Variants in XAGE5 observed in about 807,000 individuals in gnomAD.
XAGE5 encodes the protein G antigen, family D, 5.
XAGE5 carries 13 observed loss-of-function variants against 13.1 expected under a neutral mutation model. That is an observed-to-expected ratio of 0.99 (90% CI 0.64 to 1.57). The LOEUF is 1.57. Ranked by LOEUF, XAGE5 falls within the 40% of genes most tolerant of loss-of-function variation. The pLI, the probability that XAGE5 is intolerant of heterozygous loss-of-function variation, is 0.00. For missense variants in XAGE5, 86 were observed against 77.6 expected (o/e 1.11, Z -0.41); for synonymous variants, 17 against 25.0 (o/e 0.68, Z 0.96).
At chrX:52,813,644 C>T (rs1926847163) in intron 4 of XAGE5, among the ~76,000 whole-genome samples, 1 of 111,553 alleles carries the variant, frequency 9.0e-6, no homozygotes, top group African/African-American at 3.3e-5. Context: ...AGTGCCAAGT[C>T]ACCCTACCAT....
chrX:52,813,080 TTGATAAGAAAAA>T lies in XAGE5; in HGVS notation c.73-58_73-47del. On this transcript the variant is annotated intron_variant, in intron 3 of 5. Transcript: ENST00000375501. ...TGTATATTCATATTATTGACATGCATTGATAAGAAAAATTTTTTATCTCCACACACACACACC... is the reference window on the plus strand; with the variant it reads ...TGTATATTCATATTATTGACATGCATTTTTTTATCTCCACACACACACACC... 4 of 957,398 alleles carry T rather than the reference TTGATAAGAAAAA, an allele frequency of 4.2e-6. No individual in the cohort carries two copies. In the East Asian group the frequency reaches 9.4e-5, roughly 23 times the overall value. 78.9% of individuals were successfully genotyped at this position (957,398 alleles called of 1,213,427 possible).
intron 4 of XAGE5, 32 bp from the exon 5 acceptor site, chrX:52,815,060 C>T: frequency 8.3e-7 from 1 of 1,208,258 alleles, no homozygotes; most frequent in Non-Finnish European, 1.1e-6. Context: ...TCTGGTTTGG[C>T]TGCTCCAGTC....
At chrX:52,813,041 G>A in intron 3 of XAGE5, 99 bp from the exon 4 acceptor site, 1 of 618,323 alleles carries the variant, frequency 1.6e-6, no homozygotes, top group Non-Finnish European at 2.7e-6. Context: ...ATGATCAGAA[G>A]TATCTGTGTA....
intron 5 of XAGE5, 142 bp downstream of exon 5, chrX:52,815,359 C>G: frequency 2.8e-6 from 2 of 717,638 alleles, no homozygotes; most frequent in Non-Finnish European, 1.9e-6. Context: ...AATTCAGACC[C>G]CAGAAGCCTG....
At position 52,815,982 on chromosome X, in the gene XAGE5, C is replaced by T. The variant is rs1334268748; in HGVS notation, c.304+765C>T. ...GTTTTGTTTTTTTCGGACGAGGTCT[C>T]GCTCTGCCGCCCAGGATGGGGTCCA... is the stretch of plus-strand genomic sequence containing the variant. On this transcript the variant is annotated intron_variant, in intron 5 of 5. Coordinates refer to ENST00000375501, the MANE Select transcript of XAGE5 (RefSeq NM_001386970.1). Among the ~76,000 whole-genome samples, 3 of 111,675 alleles carry T rather than the reference C, an allele frequency of 2.7e-5. No homozygotes were observed. The East Asian group carries it at 8.3e-4, about 31-fold the overall frequency.
In XAGE5 at chrX:52,813,388, G is replaced by GA. The variant is rs1247563497; in HGVS notation, c.178+146dup. The GA allele has an allele frequency of 9.1e-6, 5 of 549,148 alleles. No individual in the cohort carries two copies. The East Asian group carries it at 1.8e-4, about 20-fold the overall frequency. 45.3% of individuals were successfully genotyped at this position (549,148 alleles called of 1,213,427 possible). ...TTGCTGAGAGTTTTGCAAGAGGCTG[G>GA]AAATGTGATGGGTATAGTTTGCAGC... is the stretch of plus-strand genomic sequence containing the variant. On this transcript the variant is annotated intron_variant, in intron 4 of 5. Coordinates refer to ENST00000375501, the MANE Select transcript of XAGE5 (RefSeq NM_001386970.1).
At chrX:52,813,509 G>A (rs782030920) in intron 4 of XAGE5, among the ~76,000 whole-genome samples, 30 of 111,373 alleles carry the variant, frequency 2.7e-4, no homozygotes, top group Admixed American at 2.4e-3. Flanking sequence ...AGATGAAACC[G>A]TTTAATTGGT....
chrX:52,818,052 T>C (rs1278638505), intron 5 of XAGE5, 139 bp from the exon 6 acceptor site: 1 of 683,117 alleles, frequency 1.5e-6, no homozygotes, highest in Non-Finnish European at 2.2e-6. Context: ...TAGTTGAATA[T>C]TAGCCGTAGG....
At chrX:52,814,794 C>T (rs1351118319) in intron 4 of XAGE5, 2 of 240,626 alleles carry the variant, frequency 8.3e-6, no homozygotes, top group African/African-American at 5.8e-5. Context: ...TTGATCTAAT[C>T]CTTCAGAAAA....
intron 5 of XAGE5, among the ~76,000 whole-genome samples, chrX:52,816,472 G>C (rs782094938): frequency 8.9e-6 from 1 of 112,231 alleles, no homozygotes; most frequent in African/African-American, 3.2e-5. Flanking sequence ...ATGAGCTACT[G>C]TGTGTAATTA....
At chrX:52,814,859 A>T in intron 4 of XAGE5, 1 of 346,554 alleles carries the variant, frequency 2.9e-6, no homozygotes, top group African/African-American at 2.6e-5. Context: ...CAGTTTTCCT[A>T]GGTAGCTGTG....
Position 52,813,228 on chromosome X carries a change from G to A in XAGE5, c.161G>A (p.Gly54Asp), listed in dbSNP as rs782630066. The A allele has an allele frequency of 7.4e-6, 9 of 1,208,231 alleles. No individual in the cohort carries two copies. In the East Asian group the frequency reaches 2.7e-4, roughly 36 times the overall value. The change falls in exon 4 of 6, where the codon GGT becomes GAT. Residue 54 changes from glycine to aspartate, a missense_variant. Transcript: ENST00000375501. ...TPGQKREDDQ[G>D]AAEIQVPNLE... ...GGTCAGAAGAGAGAAGATGATCAGG[G>A]TGCAGCTGAGATTCAAGGTGCTGGG...
At chrX:52,814,788 T>C (rs1289469041) in intron 4 of XAGE5, 8 of 238,857 alleles carry the variant, frequency 3.3e-5, no homozygotes, top group South Asian at 6.1e-5. Flanking sequence ...AATACATTGA[T>C]CTAATCCTTC....
intron 5 of XAGE5, among the ~76,000 whole-genome samples, chrX:52,816,132 C>A (rs782746446): frequency 1.8e-5 from 2 of 110,659 alleles, no homozygotes; most frequent in East Asian, 5.7e-4. Context: ...TTAATAGAGA[C>A]GGGGTTTCAC....
intron 4 of XAGE5, 112 bp downstream of exon 4, chrX:52,813,357 A>C: frequency 1.1e-3 from 774 of 729,054 alleles, no homozygotes; most frequent in Non-Finnish European, 1.4e-3. Flanking sequence ...AAAGGATCTC[A>C]AACATTTGCT....
intron 5 of XAGE5, among the ~76,000 whole-genome samples, chrX:52,815,908 C>T (rs1926897600): frequency 8.9e-6 from 1 of 111,919 alleles, no homozygotes; most frequent in African/African-American, 3.2e-5. Context: ...ATCCTGAATT[C>T]TCTCAGGCTC....
chrX:52,815,450 C>G (rs1556777997), intron 5 of XAGE5, among the ~76,000 whole-genome samples: 2 of 112,293 alleles, frequency 1.8e-5, no homozygotes, highest in Admixed American at 9.4e-5. Context: ...AAAGCATTTT[C>G]TTACTTCTGA....
At chrX:52,814,236 T>C (rs1556777786) in intron 4 of XAGE5, 4 of 328,995 alleles carry the variant, frequency 1.2e-5, no homozygotes, top group Non-Finnish European at 2.4e-5. Flanking sequence ...TGAAACAGGA[T>C]AGCAACTCCA....
chrX:52,814,038 T>C, intron 4 of XAGE5: 1 of 184,484 alleles, frequency 5.4e-6, no homozygotes. Context: ...AAACTGAGGC[T>C]CAGAGATAGA....
Sources: allele counts gnomAD v4.1 joint callset (sites outside exome capture counted in the v4.1 genomes callset), GRCh38; gene constraint gnomAD v4.1.1; transcripts MANE v1.5; gene names NCBI Gene and HGNC (gene_info 2026-07-23, HGNC 2026-07-21).